The following MYO16 variants were observed in gnomAD, a reference collection of about 807,000 sequenced individuals.
MYO16 encodes myosin XVI.
MYO16 carries 94 observed loss-of-function variants against 205.3 expected under a neutral mutation model. The observed-to-expected ratio is 0.46, with a 90% CI of 0.39 to 0.54. The LOEUF is 0.54. Ranked by LOEUF, MYO16 falls within the 20% of genes least tolerant of loss-of-function variation. MYO16 has a pLI of 0.00. For synonymous variants in MYO16, 988 were observed against 954.0 expected, an observed-to-expected ratio of 1.04 and a Z score of -0.66; for missense variants, 2,315 against 2,387.5, an observed-to-expected ratio of 0.97 and a Z score of 0.63.
intron 13 of MYO16, among the ~76,000 whole-genome samples, chr13:108,887,034 A>G (rs1427666664): frequency 6.6e-6 from 1 of 152,138 alleles, no homozygotes; most frequent in Admixed American, 6.5e-5. Flanking sequence ...CAACTTAATA[A>G]GTTGTTAACG....
chr13:108,833,725 G>T (rs1035119368), intron 9 of MYO16, among the ~76,000 whole-genome samples: 1 of 152,128 alleles, frequency 6.6e-6, no homozygotes, highest in Non-Finnish European at 1.5e-5. Context: ...TCTGCATGAA[G>T]TTACTTTGAT....
At chr13:108,808,181 G>C (rs1887172037) in intron 7 of MYO16, among the ~76,000 whole-genome samples, 1 of 151,920 alleles carries the variant, frequency 6.6e-6, no homozygotes, top group Non-Finnish European at 1.5e-5. Flanking sequence ...CTTTTTCTCA[G>C]AAATGCATAG....
intron 11 of MYO16, among the ~76,000 whole-genome samples, chr13:108,862,683 T>A (rs1313889614): frequency 6.6e-6 from 1 of 152,202 alleles, no homozygotes; most frequent in Non-Finnish European, 1.5e-5. Flanking sequence ...TTCTTAAACA[T>A]GTGTTAGCTA....
In MYO16 at chr13:108,980,091, A is replaced by T. The variant is rs564054479; in HGVS notation, c.2370-12285A>T. 2.0e-5 allele frequency among the ~76,000 whole-genome samples: 3 copies of T among 152,314 alleles called. No homozygotes were observed. The East Asian group carries it at 5.8e-4, about 29-fold the overall frequency. ...AGAGGAAAATAGATTTATCAGATCT[A>T]GGAGAATATGTCATTTTTTATATTA... On this transcript the variant is annotated intron_variant, in intron 20 of 34. Transcript: ENST00000457511.
chr13:108,665,997 G>A lies in MYO16; in HGVS notation c.140G>A (p.Cys47Tyr). Residue 47 changes from cysteine (C) to tyrosine (Y), a missense_variant, in exon 2 of 35, where the codon TGT becomes TAT. Cys to Tyr is a radical substitution (Grantham distance 194, BLOSUM62 -2). Around this residue, in one of 3 missense-constraint regions of MYO16, gnomAD observed 1,213 missense variants for 1,274.4 expected, o/e 0.95. Transcript: ENST00000457511. ...CAGCGTCTAGTGAAGCGCATGCGCT[G>A]TGAGCAAATCAAAGCCTACTATGAG... is the stretch of plus-strand genomic sequence containing the variant. ...QRQRLVKRMR[C>Y]EQIKAYYERE... The A allele has an allele frequency of 6.2e-7, 1 of 1,614,164 alleles. No individual in the cohort carries two copies. The highest frequency in any genetic ancestry group is 1.1e-5 in the South Asian group (1 of 91,090).
chr13:108,933,763 C>G (rs1391658204), intron 16 of MYO16, among the ~76,000 whole-genome samples: 2 of 152,086 alleles, frequency 1.3e-5, no homozygotes, highest in African/African-American at 4.8e-5. Context: ...CTTCCTCCCA[C>G]CTCTGGTAGT....
rs1876326440 is a variant in MYO16 at position 109,127,570 on chromosome 13, C to T, written c.4051+20C>T. 2.5e-6 allele frequency: 4 copies of T among 1,603,602 alleles called. No individual in the cohort carries two copies. Among genetic ancestry groups the T allele is most frequent in the Non-Finnish European group, 3.4e-6 (4 of 1,178,516 alleles). ...ACGAAGGTCAGCCCTGGGGAGGGACCCAGCCTCGTGTTCCGGGCTCGCGCA... is the reference window on the plus strand; with the variant it reads ...ACGAAGGTCAGCCCTGGGGAGGGACTCAGCCTCGTGTTCCGGGCTCGCGCA... On this transcript the variant is annotated intron_variant, in intron 31 of 34. Transcript: ENST00000457511. The surrounding 1 kb of genome is among the most constrained non-coding windows in gnomAD (Gnocchi z 4.2).
rs67321937 is a variant in MYO16 at position 109,010,957 on chromosome 13, T to TTATATATATATA, written c.2595+1916_2595+1927dup. Among the ~76,000 whole-genome samples, 664 of 118,534 alleles carry TTATATATATATA rather than the reference T, an allele frequency of 5.6e-3. 44 individuals carry two copies. The highest frequency in any genetic ancestry group is 7.9e-3 in the Non-Finnish European group (431 of 54,670). 77.8% of individuals were successfully genotyped at this position (118,534 alleles called of 152,430 possible). A position where few individuals can be genotyped will look rare whatever the true frequency, so the allele number is the denominator to read the frequency against. Reference sequence around the variant, plus strand: ...TCTATTATATATATTACATATAATATTATATATATATATATATATTTCTTC... The same window carrying TTATATATATATA: ...TCTATTATATATATTACATATAATATTATATATATATATATATATATATATATATATTTCTTC... On this transcript the variant is annotated intron_variant, in intron 22 of 34. Transcript: ENST00000457511.
chr13:108,879,768 A>G (rs1879511521), intron 12 of MYO16, among the ~76,000 whole-genome samples: 1 of 152,138 alleles, frequency 6.6e-6, no homozygotes, highest in Non-Finnish European at 1.5e-5. Context: ...TCATTGATGG[A>G]CATTTGGGTT....
At chr13:108,532,125 G>A in the MYO16 span, among the ~76,000 whole-genome samples, 1 of 152,036 alleles carries the variant, frequency 6.6e-6, no homozygotes, top group Non-Finnish European at 1.5e-5. Context: ...AGAATCGCTT[G>A]AACCCAGGAG....
intron 5 of MYO16, 107 bp from the exon 6 acceptor site, chr13:108,793,409 C>A: frequency 1.9e-6 from 2 of 1,071,716 alleles, no homozygotes; most frequent in Non-Finnish European, 1.3e-6. Context: ...GGAAGAGAAG[C>A]TTCAAAGAAA....
At chr13:108,965,053 G>T in intron 20 of MYO16, 151 bp downstream of exon 20, 1 of 874,174 alleles carries the variant, frequency 1.1e-6, no homozygotes, top group Non-Finnish European at 1.7e-6. Context: ...GACTTGATGG[G>T]TTTTAATGAT....
rs1051594759 is a variant in MYO16, at chr13:108,958,503, C to G, written c.2037+704C>G. ...AAATTACACTTTAAAACTTTTAGAT[C>G]ATGGCCGTGCCGTAGAAACATCTAT... On this transcript the variant is annotated intron_variant, in intron 17 of 34. Coordinates refer to ENST00000457511, the MANE Select transcript of MYO16 (RefSeq NM_001198950.3). 1.8e-4 allele frequency among the ~76,000 whole-genome samples: 28 copies of G among 152,250 alleles called. 1 individual carries two copies. The highest frequency in any genetic ancestry group is 3.5e-4 in the Non-Finnish European group (24 of 68,028).
chr13:108,576,364 G>A, the MYO16 span, among the ~76,000 whole-genome samples: 4 of 152,162 alleles, frequency 2.6e-5, no homozygotes, highest in Admixed American at 6.5e-5. Context: ...CTTTTGGGAA[G>A]TACTGAAGCC....
At chr13:108,634,204 C>A (rs1394244807) in intron 1 of MYO16, among the ~76,000 whole-genome samples, 12 of 152,258 alleles carry the variant, frequency 7.9e-5, no homozygotes, top group African/African-American at 2.2e-4. Context: ...CCTAGAGACC[C>A]CTTCTTCTAA....
At chr13:108,844,585 T>C in intron 10 of MYO16, 92 bp downstream of exon 10, 3 of 1,221,482 alleles carry the variant, frequency 2.5e-6, no homozygotes, top group Non-Finnish European at 3.3e-6. Flanking sequence ...AAATGCGCAC[T>C]AATTTGCATT....
intron 20 of MYO16, among the ~76,000 whole-genome samples, chr13:108,981,893 A>T (rs959616992): frequency 6.6e-6 from 1 of 152,158 alleles, no homozygotes; most frequent in African/African-American, 2.4e-5. Context: ...TCTCCATTTT[A>T]TGAGTGATTT....
intron 2 of MYO16, among the ~76,000 whole-genome samples, chr13:108,672,077 C>T (rs2139447242): frequency 6.6e-6 from 1 of 152,206 alleles, no homozygotes; most frequent in Non-Finnish European, 1.5e-5. Flanking sequence ...GAAATACCCT[C>T]GTGAGTACTC....
upstream of MYO16, among the ~76,000 whole-genome samples, chr13:108,627,882 A>G (rs1223437216): frequency 6.6e-6 from 1 of 152,174 alleles, no homozygotes; most frequent in Non-Finnish European, 1.5e-5. Context: ...TCAGACATTT[A>G]AGGAAGGTAT....
Sources: gnomAD v4.1 joint callset for allele counts (sites outside exome capture counted in the v4.1 genomes callset) on GRCh38, gnomAD v4.1.1 for gene constraint, gnomAD v4.1.1 regional missense constraint, Gnocchi (gnomAD v3.1) non-coding constraint, MANE v1.5 for transcripts, NCBI Gene and HGNC (gene_info 2026-07-23, HGNC 2026-07-21) for gene names.